Variants in CNBD1 observed in about 807,000 individuals in gnomAD.
CNBD1 encodes cyclic nucleotide-binding domain-containing protein 1.
Under a neutral mutation model 54.4 loss-of-function variants are expected in CNBD1, and 71 were observed. The ratio of observed to expected loss-of-function variants is 1.30; its 90% CI spans 1.08 to 1.59. CNBD1 has a LOEUF of 1.59. CNBD1 is among the 40% of genes most tolerant of loss of function. CNBD1 has a pLI of 0.00. For synonymous variants in CNBD1, 182 were observed against 170.7 expected (o/e 1.07, Z -0.51); for missense variants, 659 against 518.0 (o/e 1.27, Z -2.64).
chr8:87,154,657 A>G (rs1030451639), intron 4 of CNBD1, among the ~76,000 whole-genome samples: 3 of 152,204 alleles, frequency 2.0e-5, no homozygotes, highest in Non-Finnish European at 4.4e-5. Context: ...TTTTCAGAAC[A>G]ATTTGACCAC....
intron 4 of CNBD1, among the ~76,000 whole-genome samples, chr8:87,059,902 C>G (rs1052836682): frequency 2.6e-5 from 4 of 152,214 alleles, no homozygotes; most frequent in Non-Finnish European, 5.9e-5. Context: ...TTGTCCTGAT[C>G]TCTGTGGCCT....
At chr8:86,911,625 A>T (rs1809101160) in intron 3 of CNBD1, among the ~76,000 whole-genome samples, 2 of 152,186 alleles carry the variant, frequency 1.3e-5, no homozygotes, top group Admixed American at 6.6e-5. Flanking sequence ...CTATTTTGAA[A>T]TATACAGTAG....
At chr8:87,229,121 G>A (rs59239552) in intron 5 of CNBD1, among the ~76,000 whole-genome samples, 8,591 of 152,132 alleles carry the variant, frequency 0.056, 790 homozygotes, top group African/African-American at 0.18. Flanking sequence ...CACATGGTGC[G>A]CGCACCCACT....
chr8:87,031,373 G>C (rs1809787744), intron 4 of CNBD1, among the ~76,000 whole-genome samples: 1 of 152,116 alleles, frequency 6.6e-6, no homozygotes, highest in East Asian at 1.9e-4. Flanking sequence ...GCATCAAACT[G>C]AGGTTCAGAG....
At chr8:86,869,857 A>AG (rs1305885400) in intron 1 of CNBD1, among the ~76,000 whole-genome samples, 1 of 152,162 alleles carries the variant, frequency 6.6e-6, no homozygotes, top group African/African-American at 2.4e-5. Flanking sequence ...TATTTTAAAA[A>AG]ATTTTTAATG....
At chr8:86,895,253 GGTGTGTGTGTGT>G (rs59497760) in intron 2 of CNBD1, among the ~76,000 whole-genome samples, 4 of 144,820 alleles carry the variant, frequency 2.8e-5, no homozygotes, top group South Asian at 2.1e-4. Context: ...GTGTGTGCAT[GGTGTGTGTGTGT>G]GTGTGTGTGT....
At chr8:87,132,238 C>T (rs77424588) in intron 4 of CNBD1, among the ~76,000 whole-genome samples, 4,078 of 151,664 alleles carry the variant, frequency 0.027, 84 homozygotes, top group Middle Eastern at 0.071. Flanking sequence ...TAATTAATGG[C>T]ACTAATAACT....
chr8:87,306,080 A>T (rs1809136286), intron 8 of CNBD1, among the ~76,000 whole-genome samples: 1 of 152,186 alleles, frequency 6.6e-6, no homozygotes, highest in South Asian at 2.1e-4. Context: ...ATCCCATCAA[A>T]AAGTGGTCTA....
chr8:87,047,079 T>C (rs1275821282), intron 4 of CNBD1, among the ~76,000 whole-genome samples: 3 of 152,180 alleles, frequency 2.0e-5, no homozygotes, highest in Non-Finnish European at 4.4e-5. Flanking sequence ...ATTAGCTTTC[T>C]CCTTTTTTTA....
At chr8:87,380,599 C>A (rs1261770632) in intron 10 of CNBD1, among the ~76,000 whole-genome samples, 2 of 151,894 alleles carry the variant, frequency 1.3e-5, no homozygotes, top group Non-Finnish European at 2.9e-5. Flanking sequence ...ATCTGTAGGT[C>A]TCATTGGGTA....
At chr8:86,968,940 G>A (rs964541474) in intron 4 of CNBD1, among the ~76,000 whole-genome samples, 1 of 152,186 alleles carries the variant, frequency 6.6e-6, no homozygotes, top group Non-Finnish European at 1.5e-5. Flanking sequence ...AAATTCAGCA[G>A]AACTGTTTGA....
chr8:87,113,645 C>A (rs1483255765), intron 4 of CNBD1, among the ~76,000 whole-genome samples: 1 of 152,084 alleles, frequency 6.6e-6, no homozygotes, highest in African/African-American at 2.4e-5. Flanking sequence ...ATGGGCCGGG[C>A]ACGGTGACTC....
intron 4 of CNBD1, among the ~76,000 whole-genome samples, chr8:86,965,179 A>G (rs1013198221): frequency 6.6e-6 from 1 of 152,204 alleles, no homozygotes; most frequent in Non-Finnish European, 1.5e-5. Context: ...AACATTCTTA[A>G]CATTTTAATA....
chr8:86,914,355 C>T (rs1265995828), intron 3 of CNBD1, among the ~76,000 whole-genome samples: 1 of 152,200 alleles, frequency 6.6e-6, no homozygotes, highest in African/African-American at 2.4e-5. Flanking sequence ...CTTCCCGCAA[C>T]ACATTGTGTT....
At chr8:86,888,832 C>T (rs568407613) in intron 2 of CNBD1, among the ~76,000 whole-genome samples, 18 of 152,200 alleles carry the variant, frequency 1.2e-4, no homozygotes, top group Middle Eastern at 3.4e-3. Flanking sequence ...CTGGCCCAGA[C>T]GCATTTCATT....
At chr8:87,223,465 C>A (rs1475218981) in intron 5 of CNBD1, among the ~76,000 whole-genome samples, 1 of 148,220 alleles carries the variant, frequency 6.7e-6, no homozygotes, top group South Asian at 2.2e-4. Flanking sequence ...TTGTTCAATT[C>A]CCACCTATGA....
intron 4 of CNBD1, among the ~76,000 whole-genome samples, chr8:87,126,517 C>T (rs1165867864): frequency 6.6e-6 from 1 of 151,846 alleles, no homozygotes; most frequent in Non-Finnish European, 1.5e-5. Flanking sequence ...TTACTGAGTT[C>T]TGATAAATTT....
chr8:87,271,039 G>A (rs1808352554), intron 6 of CNBD1, among the ~76,000 whole-genome samples: 1 of 151,270 alleles, frequency 6.6e-6, no homozygotes, highest in Admixed American at 6.6e-5. Flanking sequence ...TTTTTTTCTA[G>A]GTTTCTGAAT....
chr8:87,285,326 G>C (rs546072422), intron 7 of CNBD1, among the ~76,000 whole-genome samples: 36 of 152,104 alleles, frequency 2.4e-4, no homozygotes, highest in Non-Finnish European at 3.8e-4. Context: ...CTAATTCTGC[G>C]TTTTTAAGAT....
Sources: allele counts gnomAD v4.1 joint callset (sites outside exome capture counted in the v4.1 genomes callset), GRCh38; gene constraint gnomAD v4.1.1; transcripts MANE v1.5; gene names NCBI Gene and HGNC (gene_info 2026-07-23, HGNC 2026-07-21).